CNTNAP3: variants seen among roughly 807,000 people sequenced by gnomAD.
CNTNAP3 encodes contactin-associated protein-like 3.
Under a neutral mutation model 92.1 loss-of-function variants are expected in CNTNAP3, and 36 were observed. That is an observed-to-expected ratio of 0.39 (90% CI 0.30 to 0.52). CNTNAP3 has a LOEUF of 0.52. Ranked by LOEUF, CNTNAP3 falls within the 20% of genes least tolerant of loss-of-function variation. The pLI, the probability that CNTNAP3 is intolerant of heterozygous loss-of-function variation, is 0.76. For synonymous variants in CNTNAP3, 232 were observed against 422.3 expected (o/e 0.55, Z 5.53); for missense variants, 534 against 1,069.6 (o/e 0.50, Z 6.98).
rs10814801 is a variant in CNTNAP3, at chr9:39,278,642, G to A, written c.85+9338C>T. Among the ~76,000 whole-genome samples, 4 of 30,316 alleles carry A rather than the reference G, an allele frequency of 1.3e-4. 2 individuals are homozygous for A. Among genetic ancestry groups the A allele is most frequent in the Non-Finnish European group, 3.9e-4 (4 of 10,148 alleles). 19.9% of individuals were successfully genotyped at this position (30,316 alleles called of 152,430 possible). ...GAACAGAGCCCTCAGAAATAATGCC[G>A]CATATCTACAACTATCTGATCTTTG... On this transcript the variant is annotated intron_variant, in intron 1 of 23. Transcript: ENST00000297668.
chr9:39,103,814 C>T lies in CNTNAP3; in HGVS notation c.2466G>A (p.Lys822=). The part of the protein sequence containing the change: ...ELTADVCFFF[K]TTVSSGVFME... ...TAAACACCCCGGAGGAAACTGTGGT[C>T]TTAAAAAAGAAGCACACGTCAGCAG... Residue 822 remains lysine, a synonymous_variant, in exon 16 of 24, where the codon AAG becomes AAA. Transcript: ENST00000297668. The T allele has an allele frequency of 6.2e-7, 1 of 1,611,186 alleles. No individual in the cohort carries two copies. Among genetic ancestry groups the T allele is most frequent in the Non-Finnish European group, 8.5e-7 (1 of 1,179,764 alleles).
intron 9 of CNTNAP3, chr9:39,159,653 TAGATAGATAGATAG>T (rs1563896011): frequency 2.8e-5 from 4 of 141,444 alleles, no homozygotes; most frequent in Admixed American, 6.9e-5. Flanking sequence ...GATAGATAGA[TAGATAGATAGATAG>T]ATAGATATAT....
chr9:39,132,299 T>C (rs1821312443), intron 13 of CNTNAP3, among the ~76,000 whole-genome samples: 1 of 152,136 alleles, frequency 6.6e-6, no homozygotes, highest in South Asian at 2.1e-4. Flanking sequence ...AGGGGGAAGT[T>C]GGTCTTTAAC....
rs1315412201 is a variant in CNTNAP3 at position 39,068,148 on chromosome 9, C to A, written c.*5742G>T. Reference sequence around the variant, plus strand: ...GGCGCAGTGGCTTACGCCTGTGATACCAGCGCTTTAGGAGGCTGAGGTGGG... The same window carrying A: ...GGCGCAGTGGCTTACGCCTGTGATAACAGCGCTTTAGGAGGCTGAGGTGGG... On this transcript the variant is annotated 3_prime_UTR_variant, in exon 24 of 24. Coordinates refer to ENST00000297668, the MANE Select transcript of CNTNAP3 (RefSeq NM_033655.5). Among the ~76,000 whole-genome samples the A allele has an allele frequency of 6.6e-6, 1 of 152,270 alleles. No homozygotes were observed. Among genetic ancestry groups the A allele is most frequent in the African/African-American group, 2.4e-5 (1 of 41,468 alleles).
intron 1 of CNTNAP3, among the ~76,000 whole-genome samples, chr9:39,285,609 T>C (rs1823032777): frequency 2.1e-5 from 1 of 47,322 alleles, no homozygotes; most frequent in African/African-American, 4.7e-5. Context: ...GCAACCTCCA[T>C]CTCCCAGGTT....
At position 39,099,947 on chromosome 9, in the gene CNTNAP3, C is replaced by T. The variant is rs1481321286; in HGVS notation, c.2959G>A (p.Ala987Thr). 3.7e-6 allele frequency: 6 copies of T among 1,610,602 alleles called. No homozygotes were observed. The highest frequency in any genetic ancestry group is 1.3e-5 in the African/African-American group (1 of 74,818). The change falls in exon 18 of 24, where the codon GCC (alanine) becomes ACC (threonine). Residue 987 changes from alanine to threonine, a missense_variant. Ala to Thr is a moderately conservative substitution (Grantham distance 58, BLOSUM62 0). Coordinates refer to ENST00000297668, the MANE Select transcript of CNTNAP3 (RefSeq NM_033655.5). ...EKRRGVTCDC[A>T]FSAYDGPFCS... ...AACGGCCCATCATAGGCTGAGAAGG[C>T]ACAGTCACAGGTGACCCCCCTGCGT... is the stretch of plus-strand genomic sequence containing the variant.
chr9:39,076,430 A>G (rs2118368904), intron 23 of CNTNAP3, among the ~76,000 whole-genome samples: 1 of 152,430 alleles, frequency 6.6e-6, no homozygotes, highest in Admixed American at 6.5e-5. Context: ...TATTGACCAC[A>G]TTCCCACTGG....
intron 15 of CNTNAP3, among the ~76,000 whole-genome samples, chr9:39,104,485 C>CACAT (rs1826550283): frequency 7.6e-6 from 1 of 131,114 alleles, no homozygotes; most frequent in South Asian, 2.8e-4. Flanking sequence ...CATACACACA[C>CACAT]ACACACACAC....
At chr9:39,157,539 G>A (rs1821978534) in intron 9 of CNTNAP3, among the ~76,000 whole-genome samples, 1 of 111,978 alleles carries the variant, frequency 8.9e-6, no homozygotes, top group Admixed American at 8.4e-5. Flanking sequence ...GTAGAGACGG[G>A]GTTTCACCAT....
intron 20 of CNTNAP3, chr9:39,086,161 C>T (rs1230376162): frequency 2.5e-6 from 1 of 404,592 alleles, no homozygotes; most frequent in East Asian, 5.6e-5. Flanking sequence ...TGGAGAAAAT[C>T]TGAAACATAA....
In CNTNAP3 at chr9:39,247,463, G is replaced by C. The variant is rs2118317059; in HGVS notation, c.197-8277C>G. On this transcript the variant is annotated intron_variant, in intron 2 of 23. Coordinates refer to ENST00000297668, the MANE Select transcript of CNTNAP3 (RefSeq NM_033655.5). ...TAGTTGTATGACACGTTTAGGGTCC[G>C]TAACCCCCACCACAATCAAGAAAGA... Among the ~76,000 whole-genome samples the C allele has an allele frequency of 8.7e-4, 2 of 2,310 alleles. 1 individual carries two copies. Among genetic ancestry groups the C allele is most frequent in the African/African-American group, 9.1e-4 (2 of 2,198 alleles). 1.5% of individuals were successfully genotyped at this position (2,310 alleles called of 152,430 possible).
intron 10 of CNTNAP3, among the ~76,000 whole-genome samples, chr9:39,146,341 C>A (rs1452829987): frequency 1.3e-5 from 2 of 152,028 alleles, no homozygotes; most frequent in African/African-American, 4.8e-5. Context: ...ATGTGGTATA[C>A]AGGGCAAACC....
At position 39,140,606 on chromosome 9, in the gene CNTNAP3, G is replaced by A; in HGVS notation, c.1789C>T (p.His597Tyr). 4.3e-6 allele frequency: 7 copies of A among 1,613,276 alleles called. No homozygotes were observed. The highest frequency in any genetic ancestry group is 5.9e-6 in the Non-Finnish European group (7 of 1,179,624). The change falls in exon 12 of 24, where the codon CAC becomes TAC. Residue 597 changes from histidine to tyrosine, a missense_variant. His to Tyr is a moderately conservative substitution (Grantham distance 83, BLOSUM62 2). Coordinates refer to ENST00000297668, the MANE Select transcript of CNTNAP3 (RefSeq NM_033655.5). ...LYEQSCEAHK[H>Y]RGNPSGLYYI... Reference sequence around the variant, plus strand: ...TAAAGCCCAGACGGGTTCCCTCGGTGCTTGTGGGCTTCACAAGACTGCTCG... The same window carrying A: ...TAAAGCCCAGACGGGTTCCCTCGGTACTTGTGGGCTTCACAAGACTGCTCG...
chr9:39,113,410 T>A (rs1375960604), intron 14 of CNTNAP3, among the ~76,000 whole-genome samples: 3 of 152,214 alleles, frequency 2.0e-5, no homozygotes, highest in African/African-American at 7.2e-5. Context: ...TTTCTAGGTG[T>A]GTAATGGTAA....
chr9:39,103,816 T>C lies in CNTNAP3; in HGVS notation c.2464A>G (p.Lys822Glu), dbSNP rs1255529219. Residue 822 changes from lysine to glutamate, a missense_variant, in exon 16 of 24, where the codon AAG becomes GAG. Physicochemically the swap from Lys to Glu is moderately conservative, Grantham distance 56. Transcript: ENST00000297668. ...AACACCCCGGAGGAAACTGTGGTCT[T>C]AAAAAAGAAGCACACGTCAGCAGTG... Reference protein sequence around the residue: ...ELTADVCFFFKTTVSSGVFME... With the variant: ...ELTADVCFFFETTVSSGVFME... 6.2e-7 allele frequency: 1 copy of C among 1,611,072 alleles called. No individual in the cohort carries two copies. The highest frequency in any genetic ancestry group is 2.2e-5 in the East Asian group (1 of 44,874).
chr9:39,081,766 T>C (rs1350725271), intron 21 of CNTNAP3, among the ~76,000 whole-genome samples: 1 of 151,734 alleles, frequency 6.6e-6, no homozygotes, highest in African/African-American at 2.4e-5. Flanking sequence ...CGGTAGACAC[T>C]AGCCACATGT....
intron 13 of CNTNAP3, among the ~76,000 whole-genome samples, chr9:39,132,419 A>G (rs1202906685): frequency 3.3e-5 from 5 of 152,138 alleles, no homozygotes; most frequent in Admixed American, 2.0e-4. Context: ...TGAGACACCC[A>G]CTGACAAAAG....
At position 39,068,243 on chromosome 9, in the gene CNTNAP3, C is replaced by CAAAAAAAAAAAAAAAAAAAAAAAAAAA. The variant is rs1198106886; in HGVS notation, c.*5646_*5647insTTTTTTTTTTTTTTTTTTTTTTTTTTT. 6.2e-5 allele frequency among the ~76,000 whole-genome samples: 8 copies of CAAAAAAAAAAAAAAAAAAAAAAAAAAA among 129,318 alleles called. No homozygotes were observed. The highest frequency in any genetic ancestry group is 2.5e-4 in the South Asian group (1 of 4,074). The allele number at this position is 129,318 out of a possible 152,430, so 84.8% of individuals were successfully genotyped here. ...TGAAACCTTGCCTCCACTAAAAATA[C>CAAAAAAAAAAAAAAAAAAAAAAAAAAA]AAAAAAAAAAAAAAAAAAAAAAATT... On this transcript the variant is annotated 3_prime_UTR_variant, in exon 24 of 24. Coordinates refer to ENST00000297668, the MANE Select transcript of CNTNAP3 (RefSeq NM_033655.5).
chr9:39,134,319 A>G (rs1439827005), intron 12 of CNTNAP3, among the ~76,000 whole-genome samples: 1 of 151,886 alleles, frequency 6.6e-6, no homozygotes, highest in Non-Finnish European at 1.5e-5. Flanking sequence ...TTATCACTCC[A>G]CTCACTGTAC....
Sources: allele counts gnomAD v4.1 joint callset (sites outside exome capture counted in the v4.1 genomes callset), GRCh38; gene constraint gnomAD v4.1.1; transcripts MANE v1.5; gene names NCBI Gene and HGNC (gene_info 2026-07-23, HGNC 2026-07-21).